NLRP11: variants seen among roughly 807,000 people sequenced by gnomAD.
The protein encoded by NLRP11 is NLR family pyrin domain containing 11.
NLRP11 carries 53 observed loss-of-function variants against 79.3 expected under a neutral mutation model. The ratio of observed to expected loss-of-function variants is 0.67; its 90% CI spans 0.54 to 0.84. The LOEUF (loss-of-function observed/expected upper bound fraction) is 0.84, where lower values mean the gene tolerates loss of function less well. Ranked by LOEUF, NLRP11 falls within the 40% of genes least tolerant of loss-of-function variation. NLRP11 has a pLI of 0.00. For missense variants in NLRP11, 1,264 were observed against 1,255.0 expected (o/e 1.01, Z -0.11); for synonymous variants, 518 against 462.6 (o/e 1.12, Z -1.54).
rs371811141 is a variant in NLRP11, at chr19:55,821,025, C to A, written c.-62-2789G>T. Among the ~76,000 whole-genome samples the A allele has an allele frequency of 7.7e-4, 117 of 152,238 alleles. 2 individuals carry two copies. In the South Asian group the frequency reaches 0.022, roughly 28 times the overall value. ...AGAGCTGATAAGAGTGGCTCACATG[C>A]CTTTATGGCTTGTACAGACAACATG... On this transcript the variant is annotated intron_variant, in intron 1 of 9. Transcript: ENST00000589093.
At chr19:55,817,792 T>C (rs1049924471) in intron 2 of NLRP11, 112 bp downstream of exon 2, 6 of 837,072 alleles carry the variant, frequency 7.2e-6, no homozygotes, top group Middle Eastern at 7.0e-4. Flanking sequence ...TGTACTCAAA[T>C]ACCACCTGCT....
At chr19:55,789,395 A>C in exon 8 of NLRP11, 1 of 1,611,076 alleles carries the variant, frequency 6.2e-7, no homozygotes, top group Non-Finnish European at 8.5e-7. Context: ...AAACAGCCAG[A>C]CAGACTGCAA....
rs34098302 is a variant in NLRP11 at position 55,817,458 on chromosome 19, A to AAC, written c.271+444_271+445dup. ...TCAACAAGTGGATAAAGAAATTATG[A>AAC]ACACACACACACACACACACAAATA... is the stretch of plus-strand genomic sequence containing the variant. On this transcript the variant is annotated intron_variant, in intron 2 of 9. Coordinates refer to ENST00000589093, the Ensembl canonical transcript of NLRP11. Among the ~76,000 whole-genome samples the AAC allele has an allele frequency of 2.7e-3, 412 of 151,092 alleles. 3 individuals are homozygous for AAC. Among genetic ancestry groups the AAC allele is most frequent in the East Asian group, 0.017 (85 of 5,126 alleles).
At chr19:55,814,517 A>G (rs1478759745) in intron 2 of NLRP11, among the ~76,000 whole-genome samples, 2 of 152,142 alleles carry the variant, frequency 1.3e-5, no homozygotes, top group Non-Finnish European at 2.9e-5. Flanking sequence ...CATTTTGGAC[A>G]CAGTTGTCCA....
chr19:55,785,655 C>T (rs370823183), exon 10 of NLRP11: 75 of 1,613,860 alleles, frequency 4.6e-5, no homozygotes, highest in African/African-American at 2.0e-4. Flanking sequence ...CTGTATTTGA[C>T]GTTCTCATGG....
At chr19:55,822,842 G>A (rs899384535) in intron 1 of NLRP11, among the ~76,000 whole-genome samples, 3 of 152,102 alleles carry the variant, frequency 2.0e-5, no homozygotes, top group East Asian at 1.9e-4. Flanking sequence ...GGGGAGGGGC[G>A]CCCGCCATTG....
upstream of NLRP11, chr19:55,836,295 C>A (rs1205777526): frequency 1.3e-5 from 2 of 152,148 alleles, no homozygotes; most frequent in Non-Finnish European, 2.9e-5. Context: ...ACTGGAGGAG[C>A]ATCCCTGCAG....
chr19:55,803,145 A>G (rs1428584255), intron 4 of NLRP11, among the ~76,000 whole-genome samples: 1 of 152,076 alleles, frequency 6.6e-6, no homozygotes, highest in African/African-American at 2.4e-5. Context: ...TCAGGAGTTC[A>G]AGACCAGCCT....
intron 9 of NLRP11, among the ~76,000 whole-genome samples, chr19:55,786,626 T>C (rs551305620): frequency 1.4e-4 from 22 of 152,330 alleles, no homozygotes; most frequent in African/African-American, 5.1e-4. Flanking sequence ...GCCACTTATT[T>C]TGTGCCCTCT....
chr19:55,832,331 A>C (rs1247627063), upstream of NLRP11, among the ~76,000 whole-genome samples: 2 of 152,244 alleles, frequency 1.3e-5, no homozygotes, highest in Non-Finnish European at 2.9e-5. Flanking sequence ...CCATCTATAC[A>C]GTAAGCTCCA....
rs757674862 is a variant in NLRP11, at chr19:55,809,062, C to T, written c.1548G>A (p.Pro516=). Residue 516 remains proline, a synonymous_variant, in exon 3 of 10, where the codon CCG becomes CCA. Coordinates refer to ENST00000589093, the Ensembl canonical transcript of NLRP11. The surrounding 1 kb of genome is among the most constrained non-coding windows in gnomAD (Gnocchi z 4.5). Reference sequence around the variant, plus strand: ...AGTACCACTTGAAGCTGTCTACCATCGGTAGCTGGTATCCAAAGGATGTCT... The same window carrying T: ...AGTACCACTTGAAGCTGTCTACCATTGGTAGCTGGTATCCAAAGGATGTCT... 15 of 1,613,796 alleles carry T rather than the reference C, an allele frequency of 9.3e-6. No homozygotes were observed. Among genetic ancestry groups the T allele is most frequent in the East Asian group, 6.7e-5 (3 of 44,892 alleles).
At chr19:55,831,723 C>T (rs1243979532) in intron 1 of NLRP11, among the ~76,000 whole-genome samples, 3 of 150,018 alleles carry the variant, frequency 2.0e-5, no homozygotes, top group African/African-American at 4.9e-5. Context: ...ACACTACATG[C>T]AATTTTATCT....
upstream of NLRP11, among the ~76,000 whole-genome samples, chr19:55,835,098 G>T (rs140406247): frequency 6.6e-6 from 1 of 152,030 alleles, no homozygotes; most frequent in Non-Finnish European, 1.5e-5. Context: ...TTGTGTTATG[G>T]TTACAGTAAT....
At chr19:55,797,110 C>T (rs764972859) in intron 5 of NLRP11, among the ~76,000 whole-genome samples, 33 of 152,196 alleles carry the variant, frequency 2.2e-4, no homozygotes, top group Non-Finnish European at 4.0e-4. Flanking sequence ...TGATTTTCCC[C>T]ATGGGACCCT....
chr19:55,828,613 A>G (rs2122933666), intron 1 of NLRP11, among the ~76,000 whole-genome samples: 1 of 152,310 alleles, frequency 6.6e-6, no homozygotes, highest in Non-Finnish European at 1.5e-5. Flanking sequence ...CACTGATACG[A>G]AATATGCATT....
chr19:55,799,882 G>A (rs533015153), intron 5 of NLRP11, among the ~76,000 whole-genome samples: 2 of 152,202 alleles, frequency 1.3e-5, no homozygotes, highest in African/African-American at 2.4e-5. Context: ...CAGGAGAATC[G>A]CTTAAACCCG....
At chr19:55,800,208 G>C (rs2122766903) in intron 5 of NLRP11, among the ~76,000 whole-genome samples, 1 of 152,304 alleles carries the variant, frequency 6.6e-6, no homozygotes, top group South Asian at 2.1e-4. Context: ...CCAATATTGA[G>C]TCACCAGCAA....
intron 1 of NLRP11, among the ~76,000 whole-genome samples, chr19:55,829,259 T>C (rs1404530264): frequency 4.6e-5 from 7 of 152,096 alleles, no homozygotes; most frequent in African/African-American, 2.4e-5. Context: ...GCTTATGGAA[T>C]ACTCTTTAAA....
chr19:55,801,757 G>A lies in NLRP11; in HGVS notation c.2004-18C>T. The A allele has an allele frequency of 6.2e-7, 1 of 1,611,832 alleles. No homozygotes were observed. Among genetic ancestry groups the A allele is most frequent in the Non-Finnish European group, 8.5e-7 (1 of 1,178,050 alleles). ...AGGACAACCTGTGGAAGACATAATA[G>A]CAGGAAAGCACTAGTGAAGGTCTGA... is the stretch of plus-strand genomic sequence containing the variant. On this transcript the variant is annotated intron_variant, in intron 4 of 9. Transcript: ENST00000589093.
Sources: gnomAD v4.1 joint callset for allele counts (sites outside exome capture counted in the v4.1 genomes callset) on GRCh38, gnomAD v4.1.1 for gene constraint, Gnocchi (gnomAD v3.1) non-coding constraint, MANE v1.5 for transcripts, NCBI Gene and HGNC (gene_info 2026-07-23, HGNC 2026-07-21) for gene names.